Variants in COLQ observed in about 807,000 individuals in gnomAD.
COLQ encodes collagen like tail subunit of asymmetric acetylcholinesterase, also known as acetylcholinesterase collagenic tail peptide.
In COLQ, 48 loss-of-function variants were observed where a neutral mutation model predicts 69.0. That is an observed-to-expected ratio of 0.70 (90% confidence interval 0.55 to 0.88). The LOEUF (loss-of-function observed/expected upper bound fraction) is 0.88. Among genes scored for constraint, COLQ ranks in the 40% least tolerant of loss-of-function variants. The pLI is 0.00. For missense variants in COLQ, 618 were observed against 594.6 expected (o/e 1.04, Z -0.41); for synonymous variants, 217 against 211.2 (o/e 1.03, Z -0.24).
intron 1 of COLQ, chr3:15,506,957 C>T (rs1232227172): frequency 6.6e-6 from 1 of 152,182 alleles, no homozygotes; most frequent in Non-Finnish European, 1.5e-5. Flanking sequence ...AATGCATGCA[C>T]ATTGTTTTCT....
chr3:15,474,364 C>G, intron 8 of COLQ, 92 bp from the exon 9 acceptor site: 1 of 1,313,520 alleles, frequency 7.6e-7, no homozygotes, highest in Non-Finnish European at 1.1e-6. Context: ...AAACCAAAAC[C>G]CTCATTTTAC....
At chr3:15,458,378 C>G in intron 12 of COLQ, 53 bp from the exon 13 acceptor site, 3 of 1,608,876 alleles carry the variant, frequency 1.9e-6, no homozygotes, top group Non-Finnish European at 2.6e-6. Flanking sequence ...GAAGACCAAA[C>G]AACCAGGGAG....
intron 12 of COLQ, among the ~76,000 whole-genome samples, chr3:15,462,940 G>A (rs548255745): frequency 3.6e-4 from 55 of 152,330 alleles, no homozygotes; most frequent in African/African-American, 1.2e-3. Context: ...AGGGCAGGGC[G>A]TGATTGGGCA....
chr3:15,460,134 T>C (rs1434743894), intron 12 of COLQ, among the ~76,000 whole-genome samples: 1 of 152,230 alleles, frequency 6.6e-6, no homozygotes, highest in East Asian at 1.9e-4. Flanking sequence ...TGTGATTCTA[T>C]ATATTGTGAG....
intron 1 of COLQ, among the ~76,000 whole-genome samples, chr3:15,494,945 C>T (rs990622948): frequency 2.0e-5 from 3 of 152,178 alleles, no homozygotes; most frequent in Admixed American, 2.0e-4. Flanking sequence ...CTCACAGCAA[C>T]CCTAAGAGCT....
At chr3:15,508,154 ATTT>A (rs1390092070) in intron 1 of COLQ, among the ~76,000 whole-genome samples, 1 of 152,150 alleles carries the variant, frequency 6.6e-6, no homozygotes, top group African/African-American at 2.4e-5. Flanking sequence ...ATAGTTTCAT[ATTT>A]TATATTTAAA....
At chr3:15,479,114 G>A (rs921825095) in intron 4 of COLQ, 111 bp from the exon 5 acceptor site, 2 of 1,398,520 alleles carry the variant, frequency 1.4e-6, no homozygotes, top group Non-Finnish European at 2.0e-6. Context: ...CAGTTGCTTG[G>A]CTGCTGCTCA....
intron 3 of COLQ, among the ~76,000 whole-genome samples, chr3:15,482,576 G>A (rs1284432032): frequency 5.3e-5 from 8 of 152,324 alleles, no homozygotes; most frequent in Middle Eastern, 3.4e-3. Flanking sequence ...GATCATGGTG[G>A]ATAAGCTTTT....
intron 11 of COLQ, 126 bp downstream of exon 11, chr3:15,470,410 G>T: frequency 1.1e-6 from 1 of 870,622 alleles, no homozygotes. Flanking sequence ...CCGTCTGCTA[G>T]CCCAGAGGAT....
At chr3:15,478,824 C>T in intron 5 of COLQ, 153 bp downstream of exon 5, 2 of 892,200 alleles carry the variant, frequency 2.2e-6, no homozygotes, top group Non-Finnish European at 3.7e-6. Context: ...GGCAAGGTTA[C>T]TACTGTCACC....
chr3:15,466,838 C>A (rs557921146), intron 11 of COLQ, among the ~76,000 whole-genome samples: 5 of 152,244 alleles, frequency 3.3e-5, no homozygotes, highest in Admixed American at 6.5e-5. Flanking sequence ...TTTCCAGCTT[C>A]ATTCCAGCCT....
chr3:15,515,774 C>T (rs1282050548), intron 1 of COLQ, among the ~76,000 whole-genome samples: 3 of 152,008 alleles, frequency 2.0e-5, no homozygotes, highest in African/African-American at 4.8e-5. Context: ...CCACTGCACT[C>T]CAGCCTGGGC....
At chr3:15,481,481 C>T (rs2062482723) in intron 3 of COLQ, among the ~76,000 whole-genome samples, 1 of 152,186 alleles carries the variant, frequency 6.6e-6, no homozygotes, top group African/African-American at 2.4e-5. Context: ...ATCCTTTCCC[C>T]ATTTCTTGCT....
rs903479193 is a variant in COLQ, at chr3:15,450,854, G to A, written c.*790C>T. 2 of 152,546 alleles carry A rather than the reference G, an allele frequency of 1.3e-5. No homozygotes were observed. Among genetic ancestry groups the A allele is most frequent in the African/African-American group, 2.4e-5 (1 of 41,452 alleles). The allele number at this position is 152,546 out of a possible 1,614,324, so 9.4% of individuals were successfully genotyped here. A position where few individuals can be genotyped will look rare whatever the true frequency, so the allele number is the denominator to read the frequency against. ...AGTCTCCTGGACAGGAAATGGACAT[G>A]AGGGACATTTTTGAGACAGGGGGCA... On this transcript the variant is annotated 3_prime_UTR_variant, in exon 17 of 17. Coordinates refer to ENST00000383788, the MANE Select transcript of COLQ (RefSeq NM_005677.4).
chr3:15,483,243 G>T (rs2062521568), intron 3 of COLQ, among the ~76,000 whole-genome samples: 1 of 151,858 alleles, frequency 6.6e-6, no homozygotes, highest in African/African-American at 2.4e-5. Flanking sequence ...GTTATTTCTT[G>T]CCTTCTGCTA....
At position 15,474,245 on chromosome 3, in the gene COLQ, C is replaced by A; in HGVS notation, c.583G>T (p.Gly195Cys). Residue 195 changes from glycine (G) to cysteine (C), a missense_variant, in exon 9 of 17, where the codon GGT becomes TGT. Coordinates refer to ENST00000383788, the MANE Select transcript of COLQ (RefSeq NM_005677.4). ...TCCATTACCTTTTCTCCTTTGGGACCCAGGTCACCCTTTTCACCTCTGGAT... is the reference window on the plus strand; with the variant it reads ...TCCATTACCTTTTCTCCTTTGGGACACAGGTCACCCTTTTCACCTCTGGAT... Reference protein sequence around the residue: ...KGSRGEKGDLGPKGEKGFPGF... With the variant: ...KGSRGEKGDLCPKGEKGFPGF... The A allele has an allele frequency of 1.9e-6, 3 of 1,613,978 alleles. No homozygotes were observed. Among genetic ancestry groups the A allele is most frequent in the Non-Finnish European group, 2.5e-6 (3 of 1,179,902 alleles).
At chr3:15,463,717 C>G (rs6442528) in intron 12 of COLQ, among the ~76,000 whole-genome samples, 68,059 of 151,838 alleles carry the variant, frequency 0.45, 15,487 homozygotes, top group East Asian at 0.61. Flanking sequence ...ACAACTCAGG[C>G]CAAGCTCTCA....
intron 1 of COLQ, among the ~76,000 whole-genome samples, chr3:15,514,488 A>G (rs923634626): frequency 6.6e-6 from 1 of 152,160 alleles, no homozygotes; most frequent in African/African-American, 2.4e-5. Context: ...AGCATTCCCA[A>G]TGCCTGATCC....
At chr3:15,466,518 C>G (rs2062203283) in intron 11 of COLQ, 81 bp from the exon 12 acceptor site, 5 of 1,232,304 alleles carry the variant, frequency 4.1e-6, no homozygotes, top group Non-Finnish European at 5.9e-6. Flanking sequence ...AATCAGAGAT[C>G]ACCTTGCACT....
Sources: gnomAD v4.1 joint callset for allele counts (sites outside exome capture counted in the v4.1 genomes callset) on GRCh38, gnomAD v4.1.1 for gene constraint, MANE v1.5 for transcripts, NCBI Gene and HGNC (gene_info 2026-07-23, HGNC 2026-07-21) for gene names.